STAMBPL1: variants seen among roughly 807,000 people sequenced by gnomAD.
The protein encoded by STAMBPL1 is STAM binding protein like 1, also known as AMSH-like protease.
STAMBPL1 carries 44 observed loss-of-function variants against 52.9 expected under a neutral mutation model. The ratio of observed to expected loss-of-function variants is 0.83; its 90% CI spans 0.65 to 1.07. The LOEUF (loss-of-function observed/expected upper bound fraction) is 1.07, where lower values mean the gene tolerates loss of function less well. Ranked by LOEUF, STAMBPL1 falls within the 50% of genes least tolerant of loss-of-function variation. The pLI, the probability that STAMBPL1 is intolerant of heterozygous loss-of-function variation, is 0.00. For missense variants in STAMBPL1, 511 were observed against 520.8 expected (o/e 0.98, Z 0.18); for synonymous variants, 164 against 177.3 (o/e 0.92, Z 0.60).
intron 8 of STAMBPL1, 71 bp from the exon 9 acceptor site, chr10:88,921,212 T>C (rs1189702324): frequency 4.5e-5 from 55 of 1,212,232 alleles, no homozygotes; most frequent in Non-Finnish European, 6.3e-5. Context: ...AACAGAGTTT[T>C]CTATTAAAAT....
intron 8 of STAMBPL1, among the ~76,000 whole-genome samples, chr10:88,920,328 A>T (rs992016520): frequency 1.3e-5 from 2 of 152,218 alleles, no homozygotes; most frequent in East Asian, 3.8e-4. Flanking sequence ...AGGAATTTTA[A>T]TGGACTGTCC....
At position 88,910,977 on chromosome 10, in the gene STAMBPL1, A is replaced by G. The variant is rs766109105; in HGVS notation, c.386A>G (p.Tyr129Cys). ...DELKNDLLKK[Y>C]NVEYQEYLQS... ...TTGAAAAACGACCTTTTAAAGAAAT[A>G]TAACGTAGAATACCAAGAATATTTG... is the stretch of plus-strand genomic sequence containing the variant. Residue 129 changes from tyrosine (Y) to cysteine (C), a missense_variant, in exon 5 of 11, where the codon TAT (tyrosine) becomes TGT (cysteine). By Grantham distance (194) the Tyr-to-Cys change is radical. Coordinates refer to ENST00000371926, the MANE Select transcript of STAMBPL1 (RefSeq NM_020799.4). 1.1e-5 allele frequency: 18 copies of G among 1,595,342 alleles called. No homozygotes were observed. Among genetic ancestry groups the G allele is most frequent in the Non-Finnish European group, 1.5e-5 (18 of 1,173,522 alleles).
intron 10 of STAMBPL1, 48 bp downstream of exon 10, chr10:88,922,484 C>G (rs1332306227): frequency 6.6e-7 from 1 of 1,523,532 alleles, no homozygotes; most frequent in Admixed American, 1.7e-5. Context: ...TTGTTCACTG[C>G]CCCCCCAATC....
At chr10:88,897,905 T>C (rs928662340) in intron 1 of STAMBPL1, among the ~76,000 whole-genome samples, 6 of 152,226 alleles carry the variant, frequency 3.9e-5, no homozygotes, top group Admixed American at 6.5e-5. Context: ...TACTATGAGG[T>C]GAAGTACCTC....
At position 88,914,891 on chromosome 10, in the gene STAMBPL1, A is replaced by G. The variant is rs114315360; in HGVS notation, c.903+233A>G. On this transcript the variant is annotated intron_variant, in intron 7 of 10. Coordinates refer to ENST00000371926, the MANE Select transcript of STAMBPL1 (RefSeq NM_020799.4). ...GAGACACTATAAAAACTTGTCCTAA[A>G]GAATCAACCTATAAATTAAATCTTT... 5.1e-3 allele frequency among the ~76,000 whole-genome samples: 771 copies of G among 152,246 alleles called. 5 individuals carry two copies. Among genetic ancestry groups the G allele is most frequent in the African/African-American group, 0.017 (711 of 41,552 alleles).
chr10:88,910,890 T>C (rs1156358030), intron 4 of STAMBPL1, 26 bp from the exon 5 acceptor site: 3 of 1,488,934 alleles, frequency 2.0e-6, no homozygotes, highest in East Asian at 4.8e-5. Context: ...ATCCCACTAA[T>C]CAATATGTAT....
In STAMBPL1 at chr10:88,881,731, A is replaced by G. The variant is rs529443064; in HGVS notation, c.-54+1093A>G. ...TGACGGTTGTTTTACACAGAAATTA[A>G]GCCACCGTGTTTTGTTTTTATCCCG... On this transcript the variant is annotated intron_variant, in intron 1 of 10. Coordinates refer to ENST00000371926, the MANE Select transcript of STAMBPL1 (RefSeq NM_020799.4). 5.3e-5 allele frequency among the ~76,000 whole-genome samples: 8 copies of G among 152,310 alleles called. No homozygotes were observed. The South Asian group carries it at 1.7e-3, about 32-fold the overall frequency.
rs905657519 is a variant in STAMBPL1 at position 88,904,258 on chromosome 10, G to T, written c.31-1185G>T. 4.6e-5 allele frequency among the ~76,000 whole-genome samples: 7 copies of T among 152,296 alleles called. No homozygotes were observed. The East Asian group carries it at 1.4e-3, about 29-fold the overall frequency. On this transcript the variant is annotated intron_variant, in intron 2 of 10. Transcript: ENST00000371926. The stretch of plus-strand genomic sequence containing the variant: ...GGTCTAAAGCCTTGCTTCTCAAACT[G>T]TACAGGCATAAGTACCTCTGGAAAG...
intron 7 of STAMBPL1, 25 bp downstream of exon 7, chr10:88,914,683 T>TATATATAC: frequency 1.2e-6 from 1 of 838,220 alleles, no homozygotes; most frequent in Non-Finnish European, 1.6e-6. Flanking sequence ...TATAAATATA[T>TATATATAC]ATATATATAT....
chr10:88,901,653 C>T lies in STAMBPL1; in HGVS notation c.-53-3C>T. The stretch of plus-strand genomic sequence containing the variant: ...TTAGTTCTGCTTCTTGTTTTTGAAA[C>T]AGATGAAGTGATTGAGAAGAAACAG... On this transcript the variant is annotated splice_region_variant and splice_polypyrimidine_tract_variant and intron_variant, in intron 1 of 10. Transcript: ENST00000371926. 6.4e-7 allele frequency: 1 copy of T among 1,573,824 alleles called. No individual in the cohort carries two copies. The highest frequency in any genetic ancestry group is 1.4e-5 in the African/African-American group (1 of 73,114).
In STAMBPL1 at chr10:88,913,174, C is replaced by T. The variant is rs780080164; in HGVS notation, c.494C>T (p.Ala165Val). 14 of 1,613,734 alleles carry T rather than the reference C, an allele frequency of 8.7e-6. No homozygotes were observed. In the Admixed American group the frequency reaches 1.8e-4, roughly 21 times the overall value. ...RLIEAERKRI[A>V]QMRQQQLESE... The stretch of plus-strand genomic sequence containing the variant: ...ATAGAGGCAGAAAGGAAGCGGATTG[C>T]TCAGATGCGCCAGCAGCAGCTAGAA... The change falls in exon 6 of 11, where the codon GCT (alanine) becomes GTT (valine). Residue 165 changes from alanine (A) to valine (V), a missense_variant. Ala to Val is a moderately conservative substitution (Grantham distance 64, BLOSUM62 0). This residue lies in a region of STAMBPL1 where 358 missense variants were observed against 343.5 expected (regional missense o/e 1.04). Coordinates refer to ENST00000371926, the MANE Select transcript of STAMBPL1 (RefSeq NM_020799.4).
At chr10:88,900,058 C>G (rs901410672) in intron 1 of STAMBPL1, among the ~76,000 whole-genome samples, 2 of 152,006 alleles carry the variant, frequency 1.3e-5, no homozygotes, top group African/African-American at 2.4e-5. Context: ...TTTTTTCTTT[C>G]TTGGGCATTT....
In STAMBPL1 at chr10:88,923,401, G is replaced by A; in HGVS notation, c.*177G>A. ...TAAAGTTTTCTTTTTGGGTTGCTCT[G>A]TGTCAAGAGAGGTTACATGGTGTTA... On this transcript the variant is annotated 3_prime_UTR_variant, in exon 11 of 11. Coordinates refer to ENST00000371926, the MANE Select transcript of STAMBPL1 (RefSeq NM_020799.4). The A allele has an allele frequency of 7.4e-7, 1 of 1,356,580 alleles. No homozygotes were observed. The highest frequency in any genetic ancestry group is 9.4e-7 in the Non-Finnish European group (1 of 1,060,868). 84.0% of individuals were successfully genotyped at this position (1,356,580 alleles called of 1,614,324 possible).
Position 88,923,431 on chromosome 10 carries a change from G to A in STAMBPL1, c.*207G>A, listed in dbSNP as rs1004225941. 51 of 1,279,960 alleles carry A rather than the reference G, an allele frequency of 4.0e-5. No individual in the cohort carries two copies. Among genetic ancestry groups the A allele is most frequent in the Admixed American group, 1.6e-4 (4 of 25,200 alleles). The allele number at this position is 1,279,960 out of a possible 1,614,324, so 79.3% of individuals were successfully genotyped here. On this transcript the variant is annotated 3_prime_UTR_variant, in exon 11 of 11. Transcript: ENST00000371926. ...AAGAGAGGTTACATGGTGTTAAATC[G>A]GTACCTGATAATGTACCCAAATACT...
chr10:88,895,251 G>A (rs982229687), intron 1 of STAMBPL1, among the ~76,000 whole-genome samples: 5 of 152,194 alleles, frequency 3.3e-5, no homozygotes, highest in African/African-American at 1.2e-4. Flanking sequence ...TATTAGAGAT[G>A]AAAATTTCTC....
intron 1 of STAMBPL1, among the ~76,000 whole-genome samples, chr10:88,881,721 A>G (rs911069047): frequency 4.6e-5 from 7 of 152,174 alleles, no homozygotes; most frequent in Non-Finnish European, 1.0e-4. Context: ...GTTGTTTTAC[A>G]CAGAAATTAA....
chr10:88,898,515 C>T (rs1307239378), intron 1 of STAMBPL1, among the ~76,000 whole-genome samples: 1 of 152,132 alleles, frequency 6.6e-6, no homozygotes, highest in Non-Finnish European at 1.5e-5. Context: ...TAAGACAGGA[C>T]CATCAGCTAA....
At chr10:88,889,133 G>T (rs1487670251) in intron 1 of STAMBPL1, among the ~76,000 whole-genome samples, 1 of 152,142 alleles carries the variant, frequency 6.6e-6, no homozygotes, top group East Asian at 1.9e-4. Context: ...CTTTCTAACA[G>T]TTTCATATGC....
In STAMBPL1 at chr10:88,913,205, G is replaced by A; in HGVS notation, c.525G>A (p.Glu175=). ...AQMRQQQLES[E]QFLFFEDQLK... Reference sequence around the variant, plus strand: ...TGCGCCAGCAGCAGCTAGAATCGGAGCAGTTTCTGTTTTTCGAAGATCAAC... The same window carrying A: ...TGCGCCAGCAGCAGCTAGAATCGGAACAGTTTCTGTTTTTCGAAGATCAAC... The change falls in exon 6 of 11, where the codon GAG becomes GAA. Residue 175 remains glutamate (E), a synonymous_variant. Coordinates refer to ENST00000371926, the MANE Select transcript of STAMBPL1 (RefSeq NM_020799.4). The A allele has an allele frequency of 6.2e-7, 1 of 1,613,874 alleles. No homozygotes were observed. The highest frequency in any genetic ancestry group is 8.5e-7 in the Non-Finnish European group (1 of 1,179,844).
Sources: allele counts gnomAD v4.1 joint callset (sites outside exome capture counted in the v4.1 genomes callset), GRCh38; gene constraint gnomAD v4.1.1; regional missense constraint gnomAD v4.1.1; transcripts MANE v1.5; gene names NCBI Gene and HGNC (gene_info 2026-07-23, HGNC 2026-07-21).